PLA2G7: variants seen among roughly 807,000 people sequenced by gnomAD.
The protein encoded by PLA2G7 is platelet-activating factor acetylhydrolase.
PLA2G7 carries 63 observed loss-of-function variants against 49.6 expected under a neutral mutation model. That is an observed-to-expected ratio of 1.27 (90% confidence interval 1.04 to 1.57). The LOEUF (loss-of-function observed/expected upper bound fraction) is 1.57. Ranked by LOEUF, PLA2G7 falls within the 40% of genes most tolerant of loss-of-function variation. PLA2G7 has a pLI of 0.00. For synonymous variants in PLA2G7, 193 were observed against 169.9 expected, an observed-to-expected ratio of 1.14 and a Z score of -1.06; for missense variants, 596 against 521.2, an observed-to-expected ratio of 1.14 and a Z score of -1.40.
Position 46,704,441 on chromosome 6 carries a change from TTCTCTCTCTCTCTC to T in PLA2G7, c.*105_*118del, listed in dbSNP as rs368946627. The stretch of plus-strand genomic sequence containing the variant: ...AGTCCTTTGGGAAAATACATTAAAA[TTCTCTCTCTCTCTC>T]TCTCTCTCTCTCTCTCTCTCTCTCA... On this transcript the variant is annotated 3_prime_UTR_variant, in exon 12 of 12. Coordinates refer to ENST00000274793, the MANE Select transcript of PLA2G7 (RefSeq NM_005084.4). 167 of 552,626 alleles carry T rather than the reference TTCTCTCTCTCTCTC, an allele frequency of 3.0e-4. No homozygotes were observed. The highest frequency in any genetic ancestry group is 5.8e-4 in the South Asian group (34 of 58,760). 34.2% of individuals were successfully genotyped at this position (552,626 alleles called of 1,614,324 possible).
chr6:46,734,415 TGAGAGAGAGA>T lies in PLA2G7; in HGVS notation c.-35+755_-35+764del, dbSNP rs70996386. 1.4e-3 allele frequency among the ~76,000 whole-genome samples: 77 copies of T among 54,218 alleles called. 2 individuals carry two copies. The highest frequency in any genetic ancestry group is 3.5e-3 in the South Asian group (4 of 1,128). 35.6% of individuals were successfully genotyped at this position (54,218 alleles called of 152,430 possible). ...AGGTGTGTAGTGGTGTGTGTGTGTGTGAGAGAGAGAGAGAGAGAGAGAGAGAGAGAGAGAG... is the reference window on the plus strand; with the variant it reads ...AGGTGTGTAGTGGTGTGTGTGTGTGTGAGAGAGAGAGAGAGAGAGAGAGAG... On this transcript the variant is annotated intron_variant, in intron 1 of 11. Transcript: ENST00000274793.
At chr6:46,704,782 C>T in intron 11 of PLA2G7, 86 bp from the exon 12 acceptor site, 1 of 823,226 alleles carries the variant, frequency 1.2e-6, no homozygotes, top group Non-Finnish European at 2.0e-6. Flanking sequence ...TAAAGATTTA[C>T]AAATTACACA....
intron 9 of PLA2G7, 24 bp from the exon 10 acceptor site, chr6:46,708,185 T>C: frequency 1.3e-6 from 2 of 1,589,364 alleles, no homozygotes; most frequent in Non-Finnish European, 1.7e-6. Flanking sequence ...TTGACAATGA[T>C]GAAATTAAAC....
chr6:46,722,517 T>C (rs755087602), intron 2 of PLA2G7, among the ~76,000 whole-genome samples: 4 of 152,120 alleles, frequency 2.6e-5, no homozygotes, highest in African/African-American at 4.8e-5. Flanking sequence ...TCCGTGGTGA[T>C]TGCAAGCTGA....
At chr6:46,705,760 C>A (rs1434998276) in intron 10 of PLA2G7, among the ~76,000 whole-genome samples, 2 of 152,232 alleles carry the variant, frequency 1.3e-5, no homozygotes, top group Non-Finnish European at 2.9e-5. Flanking sequence ...TCAAACACCA[C>A]TTTTCCCAGT....
At chr6:46,726,843 T>C (rs898623727) in intron 1 of PLA2G7, among the ~76,000 whole-genome samples, 1 of 152,060 alleles carries the variant, frequency 6.6e-6, no homozygotes, top group African/African-American at 2.4e-5. Context: ...GGTTTCTCCA[T>C]GTTGGCCAGG....
At chr6:46,715,260 G>A (rs1386266831) in intron 4 of PLA2G7, among the ~76,000 whole-genome samples, 1 of 152,148 alleles carries the variant, frequency 6.6e-6, no homozygotes, top group East Asian at 1.9e-4. Flanking sequence ...CAGAGACTCT[G>A]TTCATTATGA....
intron 8 of PLA2G7, among the ~76,000 whole-genome samples, chr6:46,710,114 TC>T (rs1428180444): frequency 6.6e-6 from 1 of 152,062 alleles, no homozygotes; most frequent in African/African-American, 2.4e-5. Flanking sequence ...ATTCTCTAGT[TC>T]CCCCTAATCC....
rs763081841 is a variant in PLA2G7, at chr6:46,708,005, C to T, written c.1026G>A (p.Lys342=). 1 of 1,567,428 alleles carries T rather than the reference C, an allele frequency of 6.4e-7. No homozygotes were observed. The highest frequency in any genetic ancestry group is 2.2e-5 in the East Asian group (1 of 44,574). ...CTAATACTTACCTGATTGTAATCAT[C>T]TTTCTTTCTTTATCAGGTGAGTAGC... ...KKCYSPDKER[K]MITIRGSVHQ... is the part of the protein sequence containing the mutation. The change falls in exon 10 of 12, where the codon AAG becomes AAA. Residue 342 remains lysine, a synonymous_variant. Coordinates refer to ENST00000274793, the MANE Select transcript of PLA2G7 (RefSeq NM_005084.4).
chr6:46,730,584 A>G (rs1765707692), intron 1 of PLA2G7, among the ~76,000 whole-genome samples: 1 of 152,180 alleles, frequency 6.6e-6, no homozygotes, highest in South Asian at 2.1e-4. Context: ...TGGATGGTGC[A>G]AACTGGACCA....
At chr6:46,716,642 G>A (rs1765211514) in intron 3 of PLA2G7, 114 bp from the exon 4 acceptor site, 7 of 1,080,426 alleles carry the variant, frequency 6.5e-6, no homozygotes, top group Non-Finnish European at 9.5e-6. Context: ...TTCACAAAAA[G>A]GTCTAAAGAA....
intron 1 of PLA2G7, among the ~76,000 whole-genome samples, chr6:46,732,737 TGA>T (rs1415380864): frequency 1.3e-5 from 2 of 152,200 alleles, no homozygotes; most frequent in Non-Finnish European, 2.9e-5. Flanking sequence ...CTGTTAGTGT[TGA>T]GTCACGCCCA....
At chr6:46,722,687 A>G in intron 2 of PLA2G7, 96 bp downstream of exon 2, 1 of 751,422 alleles carries the variant, frequency 1.3e-6, no homozygotes, top group Non-Finnish European at 2.4e-6. Context: ...TTTAAATAGG[A>G]CTTGTTTAGA....
chr6:46,716,851 A>T (rs1467332627), intron 3 of PLA2G7, 124 bp downstream of exon 3: 1 of 976,592 alleles, frequency 1.0e-6, no homozygotes, highest in Admixed American at 1.7e-5. Context: ...CATATGAAAC[A>T]ATACAAATTG....
intron 10 of PLA2G7, among the ~76,000 whole-genome samples, chr6:46,707,545 G>A (rs1028445101): frequency 1.3e-5 from 2 of 152,126 alleles, no homozygotes; most frequent in African/African-American, 2.4e-5. Context: ...ATTTAAAAGT[G>A]TGTAGTACCT....
At chr6:46,704,793 A>C in intron 11 of PLA2G7, 97 bp from the exon 12 acceptor site, 1 of 772,408 alleles carries the variant, frequency 1.3e-6, no homozygotes, top group Non-Finnish European at 2.2e-6. Flanking sequence ...AAATTACACA[A>C]GTTCCGTTAG....
intron 4 of PLA2G7, among the ~76,000 whole-genome samples, chr6:46,715,638 G>T (rs45602041): frequency 9.1e-4 from 138 of 152,314 alleles, no homozygotes; most frequent in African/African-American, 3.3e-3. Flanking sequence ...TGAATGTGAT[G>T]ATTGCTATGG....
intron 1 of PLA2G7, among the ~76,000 whole-genome samples, chr6:46,733,585 C>T (rs1175127476): frequency 1.3e-5 from 2 of 152,234 alleles, no homozygotes; most frequent in African/African-American, 2.4e-5. Context: ...GGGGAAAGCA[C>T]TTTCAGTGCC....
chr6:46,704,483 C>CAG lies in PLA2G7; in HGVS notation c.*76_*77insCT, dbSNP rs1401829672. On this transcript the variant is annotated 3_prime_UTR_variant, in exon 12 of 12. Transcript: ENST00000274793. ...TCTCTCTCTCTCTCTCTCTCTCACA[C>CAG]ACACACACACACACACACACACACA... 5.1e-6 allele frequency: 1 copy of CAG among 194,556 alleles called. No homozygotes were observed. Among genetic ancestry groups the CAG allele is most frequent in the African/African-American group, 1.0e-4 (1 of 9,830 alleles). 12.1% of individuals were successfully genotyped at this position (194,556 alleles called of 1,614,324 possible). A position where few individuals can be genotyped will look rare whatever the true frequency, so the allele number is the denominator to read the frequency against.
Sources: gnomAD v4.1 joint callset for allele counts (sites outside exome capture counted in the v4.1 genomes callset) on GRCh38, gnomAD v4.1.1 for gene constraint, MANE v1.5 for transcripts, NCBI Gene and HGNC (gene_info 2026-07-23, HGNC 2026-07-21) for gene names.